Variants in NUBPL observed in about 807,000 individuals in gnomAD.
The protein encoded by NUBPL is NUBP iron-sulfur cluster assembly factor, mitochondrial, also known as iron-sulfur cluster transfer protein NUBPL.
In NUBPL, 31 loss-of-function variants were observed where a neutral mutation model predicts 45.7. The observed-to-expected ratio is 0.68, with a 90% CI of 0.51 to 0.92. NUBPL has a LOEUF of 0.92. NUBPL is among the 40% of genes least tolerant of loss of function. The pLI is 0.00. For missense variants in NUBPL, 401 were observed against 398.7 expected (o/e 1.01, Z -0.05); for synonymous variants, 144 against 140.9 (o/e 1.02, Z -0.15).
rs186478022 is a variant in NUBPL at position 31,638,019 on chromosome 14, G to T, written c.383-35336G>T. On this transcript the variant is annotated intron_variant, in intron 4 of 10. Coordinates refer to ENST00000281081, the MANE Select transcript of NUBPL (RefSeq NM_025152.3). Reference sequence around the variant, plus strand: ...GATGGATTTCCTGAATACAGCACACGGATGGGTCTTGACTCTTTATCCAAT... The same window carrying T: ...GATGGATTTCCTGAATACAGCACACTGATGGGTCTTGACTCTTTATCCAAT... Among the ~76,000 whole-genome samples, 885 of 152,160 alleles carry T rather than the reference G, an allele frequency of 5.8e-3. 5 individuals carry two copies. Among genetic ancestry groups the T allele is most frequent in the African/African-American group, 0.017 (715 of 41,498 alleles).
chr14:31,605,815 C>T (rs2034574102), intron 4 of NUBPL, among the ~76,000 whole-genome samples: 1 of 145,608 alleles, frequency 6.9e-6, no homozygotes, highest in Non-Finnish European at 1.5e-5. Flanking sequence ...TTCCTCCTCC[C>T]TTCTCCTTTC....
intron 6 of NUBPL, among the ~76,000 whole-genome samples, chr14:31,725,596 C>A (rs943622088): frequency 1.1e-4 from 16 of 151,482 alleles, no homozygotes; most frequent in African/African-American, 3.9e-4. Context: ...TGAAACAAAT[C>A]TTTGACTGCA....
At chr14:31,854,603 C>T (rs932400836) in intron 10 of NUBPL, among the ~76,000 whole-genome samples, 4 of 152,090 alleles carry the variant, frequency 2.6e-5, no homozygotes, top group South Asian at 2.1e-4. Flanking sequence ...CTTAATACTC[C>T]GAAAATGCTT....
intron 10 of NUBPL, among the ~76,000 whole-genome samples, chr14:31,855,181 G>T (rs1398457574): frequency 1.3e-5 from 2 of 152,080 alleles, no homozygotes; most frequent in African/African-American, 4.8e-5. Flanking sequence ...AAAATATTAG[G>T]CATAAGTACC....
intron 4 of NUBPL, among the ~76,000 whole-genome samples, chr14:31,609,010 A>G (rs1324877615): frequency 6.6e-6 from 1 of 152,220 alleles, no homozygotes; most frequent in Non-Finnish European, 1.5e-5. Context: ...CAGGAAGGAA[A>G]GAAGGAAGGA....
intron 4 of NUBPL, among the ~76,000 whole-genome samples, chr14:31,662,906 G>A (rs1001283001): frequency 6.6e-6 from 1 of 152,184 alleles, no homozygotes; most frequent in Non-Finnish European, 1.5e-5. Flanking sequence ...AGCATCTGCT[G>A]TTTCCTGACT....
In NUBPL at chr14:31,779,338, C is replaced by CAA. The variant is rs796240464; in HGVS notation, c.514-8432_514-8431dup. ...GGGCAACAAGAATAAAACTCCATCTCAAAAAAAAAAAGAAGAAGAAAGAAA... is the reference window on the plus strand; with the variant it reads ...GGGCAACAAGAATAAAACTCCATCTCAAAAAAAAAAAAAGAAGAAGAAAGAAA... On this transcript the variant is annotated intron_variant, in intron 6 of 10. Coordinates refer to ENST00000281081, the MANE Select transcript of NUBPL (RefSeq NM_025152.3). Among the ~76,000 whole-genome samples the CAA allele has an allele frequency of 7.4e-3, 1,006 of 135,520 alleles. 10 individuals carry two copies. Among genetic ancestry groups the CAA allele is most frequent in the African/African-American group, 0.026 (942 of 36,754 alleles). 88.9% of individuals were successfully genotyped at this position (135,520 alleles called of 152,430 possible). A position where few individuals can be genotyped will look rare whatever the true frequency, so the allele number is the denominator to read the frequency against.
At chr14:31,681,291 A>G (rs1276390732) in intron 6 of NUBPL, among the ~76,000 whole-genome samples, 1 of 151,934 alleles carries the variant, frequency 6.6e-6, no homozygotes, top group Non-Finnish European at 1.5e-5. Context: ...TGTGTTTTAT[A>G]GGAATTTGTT....
At position 31,613,829 on chromosome 14, in the gene NUBPL, C is replaced by A. The variant is rs116188386; in HGVS notation, c.382+14450C>A. Among the ~76,000 whole-genome samples, 985 of 152,078 alleles carry A rather than the reference C, an allele frequency of 6.5e-3. 10 individuals carry two copies. Among genetic ancestry groups the A allele is most frequent in the African/African-American group, 0.022 (922 of 41,472 alleles). ...CCCTATCTCCATGTTGTGATTATTACACATTGTATGCCTATATCAAAACGT... is the reference window on the plus strand; with the variant it reads ...CCCTATCTCCATGTTGTGATTATTAAACATTGTATGCCTATATCAAAACGT... On this transcript the variant is annotated intron_variant, in intron 4 of 10. Coordinates refer to ENST00000281081, the MANE Select transcript of NUBPL (RefSeq NM_025152.3).
chr14:31,561,863 T>C (rs1180116242), intron 1 of NUBPL: 4 of 619,008 alleles, frequency 6.5e-6, no homozygotes, highest in Non-Finnish European at 1.1e-5. Context: ...ACGTTCAGCG[T>C]ATCCTGCTAG....
chr14:31,728,907 A>G (rs1184431187), intron 6 of NUBPL, among the ~76,000 whole-genome samples: 1 of 152,228 alleles, frequency 6.6e-6, no homozygotes, highest in African/African-American at 2.4e-5. Flanking sequence ...AACATTAGTT[A>G]CTATAGAACT....
At chr14:31,853,095 T>G (rs373991175) in intron 10 of NUBPL, among the ~76,000 whole-genome samples, 4,749 of 146,782 alleles carry the variant, frequency 0.032, 128 homozygotes, top group African/African-American at 0.077. Flanking sequence ...TTGTTTTGTT[T>G]TGTTTTGTTT....
At chr14:31,845,349 C>T (rs80190363) in intron 8 of NUBPL, 15,444 of 152,076 alleles carry the variant, frequency 0.1, 969 homozygotes, top group Non-Finnish European at 0.14. Flanking sequence ...TTTTCTCAAC[C>T]ATAGAATGAG....
chr14:31,825,609 CCT>C (rs1188626925), intron 7 of NUBPL, among the ~76,000 whole-genome samples: 1 of 150,810 alleles, frequency 6.6e-6, no homozygotes, highest in Non-Finnish European at 1.5e-5. Flanking sequence ...TCCTCATCTT[CCT>C]CTTCTTCTCC....
intron 4 of NUBPL, among the ~76,000 whole-genome samples, chr14:31,647,738 T>G (rs2035894656): frequency 6.6e-6 from 1 of 152,232 alleles, no homozygotes; most frequent in Non-Finnish European, 1.5e-5. Context: ...ATGCTTCCTG[T>G]GGGTTGAGGC....
chr14:31,641,014 C>T (rs561631067), intron 4 of NUBPL, among the ~76,000 whole-genome samples: 27 of 152,080 alleles, frequency 1.8e-4, no homozygotes, highest in South Asian at 4.2e-4. Flanking sequence ...TGCAGTGACA[C>T]GATCTCAGCT....
Position 31,640,436 on chromosome 14 carries a change from CTAAAAATACAAAAATTAG to C in NUBPL, c.383-32900_383-32883del, listed in dbSNP as rs915148997. On this transcript the variant is annotated intron_variant, in intron 4 of 10. Coordinates refer to ENST00000281081, the MANE Select transcript of NUBPL (RefSeq NM_025152.3). ...CCAACATGGCAAAACCCTGTCTCTGCTAAAAATACAAAAATTAGTAAAAATACAAAAATTAGGGCATGG... is the reference window on the plus strand; with the variant it reads ...CCAACATGGCAAAACCCTGTCTCTGCTAAAAATACAAAAATTAGGGCATGG... 1.1e-3 allele frequency among the ~76,000 whole-genome samples: 164 copies of C among 151,976 alleles called. 2 individuals carry two copies. Among genetic ancestry groups the C allele is most frequent in the Non-Finnish European group, 2.9e-4 (20 of 67,958 alleles).
intron 6 of NUBPL, among the ~76,000 whole-genome samples, chr14:31,779,767 TA>T (rs2039159463): frequency 6.6e-6 from 1 of 152,210 alleles, no homozygotes; most frequent in African/African-American, 2.4e-5. Flanking sequence ...ATAACAGATG[TA>T]CTTTTGCTTT....
chr14:31,679,645 T>C (rs2036783435), intron 6 of NUBPL, among the ~76,000 whole-genome samples: 1 of 152,196 alleles, frequency 6.6e-6, no homozygotes, highest in African/African-American at 2.4e-5. Flanking sequence ...TAAAACCACA[T>C]TGTCTTGATT....
Sources: allele counts gnomAD v4.1 joint callset (sites outside exome capture counted in the v4.1 genomes callset), GRCh38; gene constraint gnomAD v4.1.1; transcripts MANE v1.5; gene names NCBI Gene and HGNC (gene_info 2026-07-23, HGNC 2026-07-21).